The following ZNF385D variants were observed in gnomAD, a reference collection of about 807,000 sequenced individuals.
ZNF385D encodes zinc finger protein 659.
ZNF385D carries 15 observed loss-of-function variants against 35.8 expected under a neutral mutation model. The ratio of observed to expected loss-of-function variants is 0.42; its 90% CI spans 0.28 to 0.64. The LOEUF (loss-of-function observed/expected upper bound fraction) is 0.64, where lower values mean the gene tolerates loss of function less well. Ranked by LOEUF, ZNF385D falls within the 30% of genes least tolerant of loss-of-function variation. ZNF385D has a pLI of 0.23. For missense variants in ZNF385D, 474 were observed against 494.6 expected (o/e 0.96, Z 0.39); for synonymous variants, 212 against 186.8 (o/e 1.13, Z -1.10).
chr3:22,087,228 C>CTT (rs35533592), intron 3 of ZNF385D, among the ~76,000 whole-genome samples: 169 of 151,054 alleles, frequency 1.1e-3, no homozygotes, highest in Middle Eastern at 3.4e-3. Flanking sequence ...GCAATAAACT[C>CTT]TTTTTTTTTC....
intron 3 of ZNF385D, among the ~76,000 whole-genome samples, chr3:22,167,176 C>A (rs922236818): frequency 6.6e-6 from 1 of 152,148 alleles, no homozygotes; most frequent in African/African-American, 2.4e-5. Context: ...AATCTGTCTT[C>A]CCATCTGGTG....
At chr3:21,538,135 T>C (rs1333655717) in intron 3 of ZNF385D, among the ~76,000 whole-genome samples, 2 of 152,042 alleles carry the variant, frequency 1.3e-5, no homozygotes, top group Non-Finnish European at 2.9e-5. Context: ...AGAGGAATGT[T>C]CTCTGGTTTT....
chr3:22,042,979 G>C (rs1393113876), intron 3 of ZNF385D, among the ~76,000 whole-genome samples: 2 of 152,000 alleles, frequency 1.3e-5, no homozygotes, highest in South Asian at 2.1e-4. Context: ...TCTCATTTTT[G>C]AATCTTATTA....
At chr3:22,010,669 A>G (rs1169515771) in intron 3 of ZNF385D, among the ~76,000 whole-genome samples, 3 of 152,178 alleles carry the variant, frequency 2.0e-5, no homozygotes, top group African/African-American at 7.2e-5. Context: ...AAAACAGTCT[A>G]GGGCCAAAAT....
At chr3:21,631,982 T>C (rs745850001) in intron 2 of ZNF385D, among the ~76,000 whole-genome samples, 19 of 152,168 alleles carry the variant, frequency 1.2e-4, no homozygotes, top group Non-Finnish European at 2.5e-4. Flanking sequence ...ATAAGTGTAT[T>C]GGTATGATGT....
chr3:21,964,428 A>AG (rs1439013647), intron 3 of ZNF385D, among the ~76,000 whole-genome samples: 49 of 80,680 alleles, frequency 6.1e-4, no homozygotes, highest in African/African-American at 4.4e-3. Flanking sequence ...AAAAAAAAAA[A>AG]AAAAGAAAAA....
At position 21,744,161 on chromosome 3, in the gene ZNF385D, A is replaced by T. The variant is rs139340111; in HGVS notation, c.22+6734T>A. Among the ~76,000 whole-genome samples, 3 of 152,322 alleles carry T rather than the reference A, an allele frequency of 2.0e-5. No individual in the cohort carries two copies. In the East Asian group the frequency reaches 5.8e-4, roughly 29 times the overall value. ...AGTTGTTTCAGTCATCTGTGGCTCA[A>T]ATTCCTCATCTAAAAATAGGAATAA... On this transcript the variant is annotated intron_variant, in intron 1 of 7. Transcript: ENST00000281523.
intron 1 of ZNF385D, among the ~76,000 whole-genome samples, chr3:21,699,936 AT>A (rs2067616940): frequency 6.9e-6 from 1 of 145,350 alleles, no homozygotes; most frequent in Admixed American, 7.2e-5. Flanking sequence ...GGTTCGAGTG[AT>A]TCTCTTGTCT....
At chr3:21,946,376 A>G (rs923871577) in intron 3 of ZNF385D, among the ~76,000 whole-genome samples, 1 of 152,198 alleles carries the variant, frequency 6.6e-6, no homozygotes, top group African/African-American at 2.4e-5. Context: ...AGCAGTCTAC[A>G]TGGAGTCACC....
At chr3:22,102,578 T>C (rs1701995313) in intron 3 of ZNF385D, among the ~76,000 whole-genome samples, 1 of 152,072 alleles carries the variant, frequency 6.6e-6, no homozygotes, top group African/African-American at 2.4e-5. Context: ...GCAACTTCTT[T>C]GCTGTCACTG....
chr3:21,739,953 G>A (rs73822034), intron 1 of ZNF385D, among the ~76,000 whole-genome samples: 2 of 152,170 alleles, frequency 1.3e-5, no homozygotes, highest in East Asian at 1.9e-4. Context: ...ATTAAGAAAC[G>A]GAGGCTCAAA....
intron 3 of ZNF385D, among the ~76,000 whole-genome samples, chr3:21,983,181 T>C (rs1225723416): frequency 6.7e-6 from 1 of 148,472 alleles, no homozygotes; most frequent in East Asian, 2.0e-4. Context: ...TTTTTTATTA[T>C]ACTTTAAGTT....
At chr3:22,264,267 G>A (rs1700783440) in intron 2 of ZNF385D, among the ~76,000 whole-genome samples, 1 of 152,008 alleles carries the variant, frequency 6.6e-6, no homozygotes, top group Non-Finnish European at 1.5e-5. Flanking sequence ...GAAAAAACCA[G>A]CAGCTACTTT....
At chr3:22,143,333 C>T (rs1315576240) in intron 3 of ZNF385D, among the ~76,000 whole-genome samples, 1 of 152,098 alleles carries the variant, frequency 6.6e-6, no homozygotes, top group Admixed American at 6.5e-5. Context: ...ATCTGCCCGC[C>T]TCGGCCTCCC....
intron 1 of ZNF385D, among the ~76,000 whole-genome samples, chr3:21,743,692 T>C (rs1277256436): frequency 6.6e-6 from 1 of 152,156 alleles, no homozygotes; most frequent in Non-Finnish European, 1.5e-5. Context: ...TAAACTTAAT[T>C]ACCTCCCACA....
intron 4 of ZNF385D, among the ~76,000 whole-genome samples, chr3:21,464,682 C>T (rs978549816): frequency 3.3e-5 from 5 of 149,904 alleles, no homozygotes; most frequent in Admixed American, 6.7e-5. Context: ...TCTCCAAAAT[C>T]GCTTCATATG....
At chr3:22,025,803 T>A (rs1469428673) in intron 3 of ZNF385D, among the ~76,000 whole-genome samples, 3 of 152,186 alleles carry the variant, frequency 2.0e-5, no homozygotes, top group African/African-American at 7.2e-5. Context: ...AGATATACCC[T>A]GGACCAATGC....
At chr3:22,211,000 A>G (rs1697482810) in intron 2 of ZNF385D, among the ~76,000 whole-genome samples, 1 of 151,978 alleles carries the variant, frequency 6.6e-6, no homozygotes, top group South Asian at 2.1e-4. Flanking sequence ...GCAGTTTGGC[A>G]TATTGATCCT....
chr3:22,131,887 T>C (rs564056659), intron 3 of ZNF385D, among the ~76,000 whole-genome samples: 1 of 152,142 alleles, frequency 6.6e-6, no homozygotes, highest in African/African-American at 2.4e-5. Flanking sequence ...TATGATTATT[T>C]TGTAGCATTA....
Sources: allele counts gnomAD v4.1 joint callset (sites outside exome capture counted in the v4.1 genomes callset), GRCh38; gene constraint gnomAD v4.1.1; transcripts MANE v1.5; gene names NCBI Gene and HGNC (gene_info 2026-07-23, HGNC 2026-07-21).